The following ZNF385D variants were observed in gnomAD, a reference collection of about 807,000 sequenced individuals.
ZNF385D encodes the protein zinc finger protein 385D.
ZNF385D carries 15 observed loss-of-function variants against 35.8 expected under a neutral mutation model. That is an observed-to-expected ratio of 0.42 (90% CI 0.28 to 0.64). The LOEUF is 0.64. Among genes scored for constraint, ZNF385D ranks in the 30% least tolerant of loss-of-function variants. The pLI, the probability that ZNF385D is intolerant of heterozygous loss-of-function variation, is 0.23. For missense variants in ZNF385D, 474 were observed against 494.6 expected (o/e 0.96, Z 0.39); for synonymous variants, 212 against 186.8 (o/e 1.13, Z -1.10).
chr3:22,104,265 ACTCT>A lies in ZNF385D; in HGVS notation c.325+64548_325+64551del, dbSNP rs140528637. On this transcript the variant is annotated intron_variant, in intron 3 of 5. Transcript: ENST00000494108. ...ATGGCATCCTCTGTAGAGTGCCATC[ACTCT>A]CTCCTTTCACATTCACTAAAATTCA... Among the ~76,000 whole-genome samples the A allele has an allele frequency of 2.5e-3, 374 of 151,414 alleles. 3 individuals carry two copies. The highest frequency in any genetic ancestry group is 8.7e-3 in the African/African-American group (360 of 41,266).
chr3:22,110,396 C>T (rs1394882279), intron 3 of ZNF385D, among the ~76,000 whole-genome samples: 3 of 151,842 alleles, frequency 2.0e-5, no homozygotes, highest in Non-Finnish European at 4.4e-5. Flanking sequence ...CCCAAATGTC[C>T]AACAATGATA....
At chr3:22,106,728 T>C (rs188094723) in intron 3 of ZNF385D, among the ~76,000 whole-genome samples, 266 of 152,282 alleles carry the variant, frequency 1.7e-3, no homozygotes, top group Admixed American at 3.9e-3. Flanking sequence ...TCTTCCAGAA[T>C]CCCTACAAAT....
chr3:21,936,984 T>A (rs2125262213), intron 3 of ZNF385D, among the ~76,000 whole-genome samples: 1 of 152,244 alleles, frequency 6.6e-6, no homozygotes, highest in East Asian at 1.9e-4. Flanking sequence ...AGTAAAATAT[T>A]TATGGATATA....
intron 3 of ZNF385D, among the ~76,000 whole-genome samples, chr3:21,999,636 G>C (rs999684351): frequency 6.6e-6 from 1 of 152,020 alleles, no homozygotes; most frequent in Non-Finnish European, 1.5e-5. Flanking sequence ...CTGACACTCA[G>C]TGTTCTTACA....
chr3:22,171,956 G>A (rs1341488439), intron 2 of ZNF385D, among the ~76,000 whole-genome samples: 1 of 151,668 alleles, frequency 6.6e-6, no homozygotes, highest in East Asian at 1.9e-4. Context: ...TCTGAAGTAG[G>A]AGGCAATATT....
intron 2 of ZNF385D, among the ~76,000 whole-genome samples, chr3:22,227,411 G>A (rs960274278): frequency 6.6e-6 from 1 of 152,144 alleles, no homozygotes; most frequent in Admixed American, 6.6e-5. Flanking sequence ...TCCATACTAT[G>A]GAGGAAGGAA....
chr3:21,609,895 C>T (rs2064614345), intron 2 of ZNF385D, among the ~76,000 whole-genome samples: 2 of 152,114 alleles, frequency 1.3e-5, no homozygotes, highest in Non-Finnish European at 2.9e-5. Context: ...AAAGAGAGTC[C>T]TGATGGGTAT....
At chr3:21,739,457 G>T (rs185238952) in intron 1 of ZNF385D, among the ~76,000 whole-genome samples, 2 of 152,076 alleles carry the variant, frequency 1.3e-5, no homozygotes, top group African/African-American at 4.8e-5. Context: ...AGCTGCAGCC[G>T]CCCTCATAAG....
At chr3:22,278,759 AG>A (rs1701563407) in intron 2 of ZNF385D, among the ~76,000 whole-genome samples, 1 of 152,166 alleles carries the variant, frequency 6.6e-6, no homozygotes, top group Admixed American at 6.6e-5. Flanking sequence ...TTACTTAAAA[AG>A]ATGCAATTGA....
upstream of ZNF385D, chr3:21,751,236 A>AGGCC: frequency 9.0e-7 from 1 of 1,106,822 alleles, no homozygotes; most frequent in Non-Finnish European, 1.1e-6. Context: ...AGACCCCTCC[A>AGGCC]CCCCACCCCA....
At chr3:22,168,316 G>C (rs1706467430) in intron 3 of ZNF385D, among the ~76,000 whole-genome samples, 1 of 151,836 alleles carries the variant, frequency 6.6e-6, no homozygotes. Flanking sequence ...GTAGTCTAAA[G>C]TTATTAAATA....
rs1026647361 is a variant in ZNF385D, at chr3:21,412,769, T to C, written c.*8445A>G. ...CATCTTAAAGAATTCCTAATAAAAATAAATATTAATTTGTTCACAGCTGCA... is the reference window on the plus strand; with the variant it reads ...CATCTTAAAGAATTCCTAATAAAAACAAATATTAATTTGTTCACAGCTGCA... On this transcript the variant is annotated 3_prime_UTR_variant, in exon 8 of 8. Transcript: ENST00000281523. 6.6e-6 allele frequency: 1 copy of C among 152,084 alleles called. No individual in the cohort carries two copies. The highest frequency in any genetic ancestry group is 1.5e-5 in the Non-Finnish European group (1 of 67,972). The allele number at this position is 152,084 out of a possible 1,614,324, so 9.4% of individuals were successfully genotyped here.
chr3:21,453,039 G>T (rs1271307974), intron 4 of ZNF385D, among the ~76,000 whole-genome samples: 2 of 151,746 alleles, frequency 1.3e-5, no homozygotes, highest in Non-Finnish European at 1.5e-5. Context: ...CAATGAAATA[G>T]AATTAAGAGT....
intron 2 of ZNF385D, among the ~76,000 whole-genome samples, chr3:22,329,076 C>CATAAA (rs1553649514): frequency 9.3e-5 from 7 of 74,904 alleles, no homozygotes; most frequent in African/African-American, 3.7e-4. Flanking sequence ...GACTCCGTCT[C>CATAAA]AAAAAAAAAA....
At chr3:21,879,866 C>T (rs1216309691) in intron 3 of ZNF385D, among the ~76,000 whole-genome samples, 1 of 151,844 alleles carries the variant, frequency 6.6e-6, no homozygotes, top group East Asian at 1.9e-4. Flanking sequence ...GACAGTCATA[C>T]TTTTTTAATG....
intron 4 of ZNF385D, among the ~76,000 whole-genome samples, chr3:21,461,411 C>T (rs1462900786): frequency 6.6e-6 from 1 of 151,812 alleles, no homozygotes; most frequent in Admixed American, 6.6e-5. Context: ...AGCTGGGCGT[C>T]GTGGTGGGTG....
At chr3:21,734,352 G>C (rs972854178) in intron 1 of ZNF385D, among the ~76,000 whole-genome samples, 3 of 130,306 alleles carry the variant, frequency 2.3e-5, no homozygotes, top group African/African-American at 7.5e-5. Flanking sequence ...TTTTTGTAAA[G>C]ATTTTTTTTG....
intron 2 of ZNF385D, among the ~76,000 whole-genome samples, chr3:22,305,473 C>G (rs1327958264): frequency 6.6e-6 from 1 of 152,188 alleles, no homozygotes; most frequent in African/African-American, 2.4e-5. Flanking sequence ...CTTCTTGCTC[C>G]TAACTCATGT....
chr3:21,955,376 C>CA (rs1702237228), intron 3 of ZNF385D, among the ~76,000 whole-genome samples: 1 of 152,030 alleles, frequency 6.6e-6, no homozygotes, highest in Admixed American at 6.6e-5. Context: ...ATTCCACCCC[C>CA]AAAAATAGGG....
Sources: gnomAD v4.1 joint callset for allele counts (sites outside exome capture counted in the v4.1 genomes callset) on GRCh38, gnomAD v4.1.1 for gene constraint, MANE v1.5 for transcripts, NCBI Gene and HGNC (gene_info 2026-07-23, HGNC 2026-07-21) for gene names.